MAP2: variants seen among roughly 807,000 people sequenced by gnomAD.
The protein encoded by MAP2 is microtubule associated protein 2.
MAP2 carries 14 observed loss-of-function variants against 137.6 expected under a neutral mutation model. The observed-to-expected ratio is 0.10, with a 90% CI of 0.07 to 0.16. The LOEUF (loss-of-function observed/expected upper bound fraction) is 0.16, where lower values mean the gene tolerates loss of function less well. Among genes scored for constraint, MAP2 ranks in the 10% least tolerant of loss-of-function variants. The pLI, the probability that MAP2 is intolerant of heterozygous loss-of-function variation, is 1.00. For missense variants in MAP2, 2,088 were observed against 2,191.5 expected, an observed-to-expected ratio of 0.95 and a Z score of 0.94; for synonymous variants, 786 against 782.3, an observed-to-expected ratio of 1.00 and a Z score of -0.08.
intron 1 of MAP2, among the ~76,000 whole-genome samples, chr2:209,477,925 G>A (rs185001526): frequency 6.6e-6 from 1 of 152,072 alleles, no homozygotes; most frequent in Admixed American, 6.5e-5. Flanking sequence ...GATGGCTTGA[G>A]CCTGGGAGAT....
intron 1 of MAP2, among the ~76,000 whole-genome samples, chr2:209,468,166 C>T (rs1486607019): frequency 2.0e-5 from 3 of 151,712 alleles, no homozygotes; most frequent in African/African-American, 7.3e-5. Flanking sequence ...ACTTTCATCT[C>T]GGTAGTTGAC....
At chr2:209,635,062 A>C (rs974482922) in intron 4 of MAP2, among the ~76,000 whole-genome samples, 3 of 152,052 alleles carry the variant, frequency 2.0e-5, no homozygotes, top group African/African-American at 7.2e-5. Flanking sequence ...ATGCCACTAC[A>C]CTCCAGCCTG....
rs189465577 is a variant in MAP2, at chr2:209,721,479, A to C, written c.5074-4230A>C. Among the ~76,000 whole-genome samples the C allele has an allele frequency of 3.9e-5, 6 of 152,310 alleles. No individual in the cohort carries two copies. In the East Asian group the frequency reaches 1.2e-3, roughly 29 times the overall value. ...AGAGGCAAGCAGGTTTTTTTGATAG[A>C]ATATCTGTGATTTTCTAGAAAATCT... On this transcript the variant is annotated intron_variant, in intron 13 of 15. Coordinates refer to ENST00000682079, the MANE Select transcript of MAP2 (RefSeq NM_001375505.1).
intron 4 of MAP2, among the ~76,000 whole-genome samples, chr2:209,627,933 G>T (rs538370306): frequency 8.6e-4 from 131 of 152,164 alleles, no homozygotes; most frequent in African/African-American, 2.4e-3. Context: ...AAAATGTTTT[G>T]CAAATGACAA....
intron 2 of MAP2, among the ~76,000 whole-genome samples, chr2:209,547,384 T>A (rs1275295733): frequency 6.6e-6 from 1 of 152,140 alleles, no homozygotes; most frequent in East Asian, 1.9e-4. Flanking sequence ...CTCCTTCCAC[T>A]TAGTTTTTAA....
intron 14 of MAP2, among the ~76,000 whole-genome samples, chr2:209,729,017 C>T (rs373640443): frequency 4.6e-5 from 7 of 152,280 alleles, no homozygotes; most frequent in African/African-American, 1.2e-4. Flanking sequence ...TCAAGGACAA[C>T]GAGTAACTTG....
intron 3 of MAP2, among the ~76,000 whole-genome samples, chr2:209,590,238 A>T (rs1559365070): frequency 6.6e-6 from 1 of 151,854 alleles, no homozygotes; most frequent in Non-Finnish European, 1.5e-5. Flanking sequence ...CCTTCCTATT[A>T]TTTTTTTCCC....
intron 13 of MAP2, among the ~76,000 whole-genome samples, chr2:209,724,791 G>GT (rs1463508929): frequency 4.6e-5 from 7 of 152,294 alleles, no homozygotes; most frequent in African/African-American, 1.7e-4. Context: ...TCCCCAGACT[G>GT]TAAGTATACA....
intron 2 of MAP2, among the ~76,000 whole-genome samples, chr2:209,573,298 G>GTTTTT (rs71043941): frequency 1.7e-5 from 2 of 120,070 alleles, no homozygotes; most frequent in African/African-American, 3.3e-5. Flanking sequence ...TTCTTTTTCT[G>GTTTTT]TTTTTTTTTT....
At position 209,541,289 on chromosome 2, in the gene MAP2, C is replaced by G. The variant is rs990007422; in HGVS notation, c.-172+33648C>G. Reference sequence around the variant, plus strand: ...AAGTGATCCATCTGCCTCGGCCTCCCGAAGTGCTGGGATTACAGTCATGAG... The same window carrying G: ...AAGTGATCCATCTGCCTCGGCCTCCGGAAGTGCTGGGATTACAGTCATGAG... On this transcript the variant is annotated intron_variant, in intron 2 of 15. Coordinates refer to ENST00000682079, the MANE Select transcript of MAP2 (RefSeq NM_001375505.1). 6.0e-5 allele frequency among the ~76,000 whole-genome samples: 9 copies of G among 151,176 alleles called. 1 individual carries two copies. The highest frequency in any genetic ancestry group is 8.8e-5 in the Non-Finnish European group (6 of 68,030).
chr2:209,595,914 T>A (rs779319514), intron 3 of MAP2, among the ~76,000 whole-genome samples: 1 of 152,004 alleles, frequency 6.6e-6, no homozygotes, highest in South Asian at 2.1e-4. Context: ...ATGAGAACAC[T>A]TGGACACAGG....
intron 2 of MAP2, among the ~76,000 whole-genome samples, chr2:209,575,988 A>C (rs1312021068): frequency 6.6e-6 from 1 of 152,238 alleles, no homozygotes; most frequent in South Asian, 2.1e-4. Flanking sequence ...GGTAAGGAAG[A>C]TAAGTCTCCA....
rs116173077 is a variant in MAP2, at chr2:209,482,269, A to G, written c.-221-25323A>G. On this transcript the variant is annotated intron_variant, in intron 1 of 15. Transcript: ENST00000682079. Reference sequence around the variant, plus strand: ...TCATACAGTATAGATATCCAACATTACACAATATAGACATGAAAAAATGTT... The same window carrying G: ...TCATACAGTATAGATATCCAACATTGCACAATATAGACATGAAAAAATGTT... Among the ~76,000 whole-genome samples, 267 of 152,326 alleles carry G rather than the reference A, an allele frequency of 1.8e-3. 1 individual carries two copies. Among genetic ancestry groups the G allele is most frequent in the African/African-American group, 6.2e-3 (257 of 41,578 alleles).
At chr2:209,559,479 C>CAAAAA (rs59788211) in intron 2 of MAP2, among the ~76,000 whole-genome samples, 33 of 37,546 alleles carry the variant, frequency 8.8e-4, no homozygotes, top group African/African-American at 1.2e-3. Context: ...GCCAAAAATA[C>CAAAAA]AAAAAAAAAA....
At position 209,641,305 on chromosome 2, in the gene MAP2, ACACTG is replaced by A. The variant is rs2094005098; in HGVS notation, c.-29-11836_-29-11832del. 2.0e-5 allele frequency among the ~76,000 whole-genome samples: 3 copies of A among 152,288 alleles called. No homozygotes were observed. In the South Asian group the frequency reaches 6.2e-4, roughly 32 times the overall value. Reference sequence around the variant, plus strand: ...TCTGACAGGTCTTGAATCAGATTCCACACTGGAAAAAGTTTAAAACAAAATACATT... The same window carrying A: ...TCTGACAGGTCTTGAATCAGATTCCAGAAAAAGTTTAAAACAAAATACATT... On this transcript the variant is annotated intron_variant, in intron 4 of 15. Transcript: ENST00000682079.
intron 7 of MAP2, among the ~76,000 whole-genome samples, chr2:209,681,412 C>T (rs943768160): frequency 2.6e-5 from 4 of 152,088 alleles, no homozygotes; most frequent in African/African-American, 9.7e-5. Flanking sequence ...CTGTTGAGAC[C>T]TGTTATTGTC....
chr2:209,666,245 G>A (rs1207143045), intron 5 of MAP2, among the ~76,000 whole-genome samples: 1 of 152,010 alleles, frequency 6.6e-6, no homozygotes, highest in Non-Finnish European at 1.5e-5. Context: ...GCACTAACTT[G>A]GTGTAGATCA....
At chr2:209,691,283 C>G (rs768298967) in intron 7 of MAP2, among the ~76,000 whole-genome samples, 1 of 152,034 alleles carries the variant, frequency 6.6e-6, no homozygotes, top group Non-Finnish European at 1.5e-5. Flanking sequence ...ATGGTGGAAT[C>G]GTTTTTGTTT....
chr2:209,678,739 G>A (rs2053116546), intron 6 of MAP2, 54 bp downstream of exon 6: 5 of 1,032,224 alleles, frequency 4.8e-6, no homozygotes, highest in Non-Finnish European at 7.1e-6. Context: ...CCTGATCACA[G>A]GATAAAGTCT....
Sources: allele counts gnomAD v4.1 joint callset (sites outside exome capture counted in the v4.1 genomes callset), GRCh38; gene constraint gnomAD v4.1.1; transcripts MANE v1.5; gene names NCBI Gene and HGNC (gene_info 2026-07-23, HGNC 2026-07-21).